COPS2: variants seen among roughly 807,000 people sequenced by gnomAD.
COPS2 encodes COP9 signalosome complex subunit 2.
Under a neutral mutation model 66.1 loss-of-function variants are expected in COPS2, and 10 were observed. That is an observed-to-expected ratio of 0.15 (90% CI 0.09 to 0.26). The LOEUF (loss-of-function observed/expected upper bound fraction) is 0.26, where lower values mean the gene tolerates loss of function less well. Among genes scored for constraint, COPS2 ranks in the 10% least tolerant of loss-of-function variants. The probability of loss-of-function intolerance (pLI) is 1.00; values close to 1 mark genes in which losing one functional copy is unlikely to be tolerated. For missense variants in COPS2, 215 were observed against 513.3 expected (o/e 0.42, Z 5.62); for synonymous variants, 179 against 171.3 (o/e 1.04, Z -0.35).
intron 12 of COPS2, 104 bp from the exon 13 acceptor site, chr15:49,128,198 G>A: frequency 1.9e-6 from 2 of 1,055,236 alleles, no homozygotes; most frequent in Non-Finnish European, 2.7e-6. Context: ...CAAAAAAAAA[G>A]CAGCTGCCTA....
chr15:49,129,636 A>T (rs1316751967), intron 10 of COPS2, 77 bp from the exon 11 acceptor site: 1 of 623,154 alleles, frequency 1.6e-6, no homozygotes, highest in Non-Finnish European at 2.6e-6. Context: ...TGTACTCCTA[A>T]TTATCTTCTC....
At chr15:49,139,708 A>G in intron 3 of COPS2, 55 bp from the exon 4 acceptor site, 1 of 1,324,410 alleles carries the variant, frequency 7.6e-7, no homozygotes, top group Non-Finnish European at 1.1e-6. Flanking sequence ...TAAAATATGT[A>G]CACATGATTA....
At chr15:49,150,273 TAA>T (rs1409104884) in intron 1 of COPS2, among the ~76,000 whole-genome samples, 2 of 149,790 alleles carry the variant, frequency 1.3e-5, no homozygotes, top group African/African-American at 4.9e-5. Flanking sequence ...TAAATAAAAA[TAA>T]AAAAATAAAT....
chr15:49,127,826 T>A lies in COPS2; in HGVS notation c.*124A>T. The A allele has an allele frequency of 9.8e-7, 1 of 1,018,678 alleles. No individual in the cohort carries two copies. Among genetic ancestry groups the A allele is most frequent in the Non-Finnish European group, 1.4e-6 (1 of 705,434 alleles). 63.1% of individuals were successfully genotyped at this position (1,018,678 alleles called of 1,614,324 possible). On this transcript the variant is annotated 3_prime_UTR_variant, in exon 13 of 13. Transcript: ENST00000388901. ...CAAACCAGTTGATCAAAAAAGCACT[T>A]CTGCCATAACTCCAATAATTTTCAG...
chr15:49,155,255 G>A (rs2084414317), intron 1 of COPS2, among the ~76,000 whole-genome samples: 2 of 152,252 alleles, frequency 1.3e-5, no homozygotes, highest in Admixed American at 1.3e-4. Flanking sequence ...TGGGACCAGG[G>A]GCATCCGTGT....
At position 49,126,801 on chromosome 15, in the gene COPS2, G is replaced by A. The variant is rs2084170704; in HGVS notation, c.*1149C>T. 6.6e-6 allele frequency: 1 copy of A among 152,138 alleles called. No homozygotes were observed. The highest frequency in any genetic ancestry group is 2.4e-5 in the African/African-American group (1 of 41,526). 9.4% of individuals were successfully genotyped at this position (152,138 alleles called of 1,614,324 possible). A position where few individuals can be genotyped will look rare whatever the true frequency, so the allele number is the denominator to read the frequency against. ...ACCTCAAAGTTAGGTGGAAGTTTTG[G>A]AAACTTTCATTTGGTGCCAAGTAAT... On this transcript the variant is annotated 3_prime_UTR_variant, in exon 13 of 13. Coordinates refer to ENST00000388901, the MANE Select transcript of COPS2 (RefSeq NM_004236.4).
chr15:49,137,269 A>G, intron 5 of COPS2, 42 bp from the exon 6 acceptor site: 5 of 1,542,386 alleles, frequency 3.2e-6, no homozygotes, highest in Non-Finnish European at 4.4e-6. Flanking sequence ...TTTCAACAGA[A>G]GATGTGCATC....
At chr15:49,134,141 T>C (rs1385986693) in intron 7 of COPS2, 33 bp from the exon 8 acceptor site, 2 of 1,567,188 alleles carry the variant, frequency 1.3e-6, no homozygotes. Context: ...AAATAGGACA[T>C]TTTCAGTTCT....
rs2084160939 is a variant in COPS2 at position 49,125,753 on chromosome 15, A to G, written c.*2197T>C. ...CACCTATATCTGGGTAAACAAAGCT[A>G]TGTAATACACAATTACAATAAATTA... On this transcript the variant is annotated 3_prime_UTR_variant, in exon 13 of 13. Coordinates refer to ENST00000388901, the MANE Select transcript of COPS2 (RefSeq NM_004236.4). 6.6e-6 allele frequency: 1 copy of G among 152,124 alleles called. No individual in the cohort carries two copies. The highest frequency in any genetic ancestry group is 1.5e-5 in the Non-Finnish European group (1 of 67,948). 9.4% of individuals were successfully genotyped at this position (152,124 alleles called of 1,614,324 possible).
In COPS2 at chr15:49,129,541, C is replaced by G; in HGVS notation, c.1064G>C (p.Arg355Thr). 6.6e-7 allele frequency: 1 copy of G among 1,506,122 alleles called. No homozygotes were observed. Among genetic ancestry groups the G allele is most frequent in the Non-Finnish European group, 8.9e-7 (1 of 1,123,464 alleles). The allele number at this position is 1,506,122 out of a possible 1,614,324, so 93.3% of individuals were successfully genotyped here. ...AATTAATTTTATAAGCACTTGTGTT[C>G]TGATGTTTCGCAAAAGCTCTGAAAG... ...EHIEELLRNI[R>T]TQVLIKLIKP... Residue 355 changes from arginine (R) to threonine (T), a missense_variant, in exon 11 of 13, where the codon AGA becomes ACA. Transcript: ENST00000388901.
chr15:49,144,940 G>T, intron 2 of COPS2, 25 bp downstream of exon 2: 1 of 1,303,454 alleles, frequency 7.7e-7, no homozygotes. Context: ...TTAACACATA[G>T]AATCAAATGG....
chr15:49,123,334 T>C lies in COPS2; in HGVS notation c.*4616A>G, dbSNP rs1055325194. The C allele has an allele frequency of 6.6e-6, 1 of 152,214 alleles. No individual in the cohort carries two copies. The highest frequency in any genetic ancestry group is 2.4e-5 in the African/African-American group (1 of 41,456). 9.4% of individuals were successfully genotyped at this position (152,214 alleles called of 1,614,324 possible). A position where few individuals can be genotyped will look rare whatever the true frequency, so the allele number is the denominator to read the frequency against. On this transcript the variant is annotated 3_prime_UTR_variant, in exon 13 of 13. Coordinates refer to ENST00000388901, the MANE Select transcript of COPS2 (RefSeq NM_004236.4). ...ATTTTAAAATGCCCTTACTTCAGAA[T>C]TAAAAAATTACTCTAGATTATGTAA... is the stretch of plus-strand genomic sequence containing the variant.
rs1335137187 is a variant in COPS2, at chr15:49,122,785, C to A, written c.*5165G>T. On this transcript the variant is annotated 3_prime_UTR_variant, in exon 13 of 13. Coordinates refer to ENST00000388901, the MANE Select transcript of COPS2 (RefSeq NM_004236.4). The stretch of plus-strand genomic sequence containing the variant: ...GTGCACTTCCAGATAAATAAAAAAA[C>A]CCTTGAGTATTTAAGCCTTACAGCA... 1 of 151,992 alleles carries A rather than the reference C, an allele frequency of 6.6e-6. No individual in the cohort carries two copies. Among genetic ancestry groups the A allele is most frequent in the East Asian group, 1.9e-4 (1 of 5,192 alleles). 9.4% of individuals were successfully genotyped at this position (151,992 alleles called of 1,614,324 possible).
At chr15:49,128,121 T>C (rs1255286629) in intron 12 of COPS2, 27 bp from the exon 13 acceptor site, 1 of 1,603,230 alleles carries the variant, frequency 6.2e-7, no homozygotes, top group African/African-American at 1.3e-5. Context: ...AAGATGTGTC[T>C]ACAAAAGACT....
intron 10 of COPS2, 80 bp from the exon 11 acceptor site, chr15:49,129,639 A>C: frequency 1.6e-6 from 1 of 607,640 alleles, no homozygotes; most frequent in Non-Finnish European, 2.6e-6. Context: ...ACTCCTAATT[A>C]TCTTCTCAAA....
At chr15:49,150,269 A>T (rs1472541527) in intron 1 of COPS2, among the ~76,000 whole-genome samples, 21 of 150,698 alleles carry the variant, frequency 1.4e-4, no homozygotes, top group African/African-American at 3.6e-4. Context: ...AAAATAAATA[A>T]AAATAAAAAA....
chr15:49,152,822 C>CA (rs56006245), intron 1 of COPS2, among the ~76,000 whole-genome samples: 81 of 147,100 alleles, frequency 5.5e-4, no homozygotes, highest in African/African-American at 1.8e-3. Flanking sequence ...GACTCTGTTT[C>CA]AAAAAAAAAA....
intron 3 of COPS2, among the ~76,000 whole-genome samples, chr15:49,142,466 C>T (rs189596231): frequency 2.0e-5 from 3 of 152,032 alleles, no homozygotes; most frequent in Non-Finnish European, 2.9e-5. Flanking sequence ...ACTAGTCAGA[C>T]GGGATAGAGA....
Position 49,127,707 on chromosome 15 carries a change from G to A in COPS2, c.*243C>T, listed in dbSNP as rs528133256. 4 of 373,750 alleles carry A rather than the reference G, an allele frequency of 1.1e-5. No individual in the cohort carries two copies. The highest frequency in any genetic ancestry group is 1.9e-5 in the Non-Finnish European group (4 of 208,690). The allele number at this position is 373,750 out of a possible 1,614,324, so 23.2% of individuals were successfully genotyped here. ...AATTACTATGATGTTGTACGTTTAG[G>A]GCAAGATGTCAATACAGCATAAATC... is the stretch of plus-strand genomic sequence containing the variant. On this transcript the variant is annotated 3_prime_UTR_variant, in exon 13 of 13. Coordinates refer to ENST00000388901, the MANE Select transcript of COPS2 (RefSeq NM_004236.4).
Sources: gnomAD v4.1 joint callset for allele counts (sites outside exome capture counted in the v4.1 genomes callset) on GRCh38, gnomAD v4.1.1 for gene constraint, MANE v1.5 for transcripts, NCBI Gene and HGNC (gene_info 2026-07-23, HGNC 2026-07-21) for gene names.